Variants in FREM1 observed in about 807,000 individuals in gnomAD.
FREM1 encodes the protein FRAS1-related extracellular matrix protein 1.
A neutral mutation model predicts 210.1 loss-of-function variants in FREM1; 220 were observed. The ratio of observed to expected loss-of-function variants is 1.05; its 90% CI spans 0.94 to 1.17. The LOEUF (loss-of-function observed/expected upper bound fraction) is 1.17, where lower values mean the gene tolerates loss of function less well. FREM1 is among the 50% of genes most tolerant of loss of function. The pLI is 0.00. For missense variants in FREM1, 3,454 were observed against 2,675.5 expected (o/e 1.29, Z -6.42); for synonymous variants, 1,189 against 980.2 (o/e 1.21, Z -3.98).
At chr9:14,840,907 A>G (rs964276705) in intron 10 of FREM1, among the ~76,000 whole-genome samples, 3 of 152,226 alleles carry the variant, frequency 2.0e-5, no homozygotes, top group Admixed American at 6.5e-5. Context: ...AGACTCTTAG[A>G]TCTTTAAAGA....
At chr9:14,746,268 G>A (rs1842408473) in intron 35 of FREM1, 85 bp downstream of exon 35, 2 of 987,686 alleles carry the variant, frequency 2.0e-6, no homozygotes, top group Admixed American at 4.1e-5. Flanking sequence ...CTTGTTGAAT[G>A]AATGAAGCAG....
At chr9:14,874,991 T>C (rs1465186967) in intron 1 of FREM1, among the ~76,000 whole-genome samples, 1 of 152,212 alleles carries the variant, frequency 6.6e-6, no homozygotes, top group Non-Finnish European at 1.5e-5. Flanking sequence ...TCTTGAATAT[T>C]GGCCCCCACT....
At chr9:14,768,594 T>C (rs1247888669) in intron 27 of FREM1, among the ~76,000 whole-genome samples, 2 of 152,026 alleles carry the variant, frequency 1.3e-5, no homozygotes, top group Non-Finnish European at 2.9e-5. Flanking sequence ...GTCTGTGGAG[T>C]TAATAAATCT....
intron 5 of FREM1, 47 bp from the exon 6 acceptor site, chr9:14,851,654 G>T: frequency 1.5e-6 from 2 of 1,368,528 alleles, no homozygotes; most frequent in Non-Finnish European, 2.1e-6. Flanking sequence ...ATATGAATGA[G>T]GTGATATCAT....
At chr9:14,909,230 AC>A (rs1818315642) in intron 1 of FREM1, among the ~76,000 whole-genome samples, 1 of 152,200 alleles carries the variant, frequency 6.6e-6, no homozygotes, top group Admixed American at 6.5e-5. Context: ...TACCTTAAAA[AC>A]AATAAACAAT....
At chr9:14,751,401 C>A (rs967598011) in intron 29 of FREM1, among the ~76,000 whole-genome samples, 2 of 152,154 alleles carry the variant, frequency 1.3e-5, no homozygotes, top group Non-Finnish European at 2.9e-5. Context: ...GTAATCCCAG[C>A]ACTTTGGCAG....
chr9:14,830,458 C>G (rs1823340790), intron 10 of FREM1, among the ~76,000 whole-genome samples: 1 of 152,184 alleles, frequency 6.6e-6, no homozygotes, highest in South Asian at 2.1e-4. Flanking sequence ...AATCAGATTT[C>G]AGTACATTGA....
chr9:14,775,549 T>C (rs540257463), intron 25 of FREM1, among the ~76,000 whole-genome samples: 12 of 151,340 alleles, frequency 7.9e-5, no homozygotes, highest in African/African-American at 2.9e-4. Flanking sequence ...CTACTAAAAA[T>C]GCAAAAAAGT....
At chr9:14,769,598 G>C (rs1847146165) in intron 27 of FREM1, 126 bp downstream of exon 27, 2 of 980,288 alleles carry the variant, frequency 2.0e-6, no homozygotes, top group African/African-American at 1.7e-5. Flanking sequence ...AATTCCATGA[G>C]CTTGTGAAAT....
At chr9:14,768,033 T>C (rs928649693) in intron 27 of FREM1, among the ~76,000 whole-genome samples, 6 of 152,182 alleles carry the variant, frequency 3.9e-5, no homozygotes, top group Non-Finnish European at 5.9e-5. Context: ...GTAATTCTCA[T>C]ATGAATTTGA....
intron 33 of FREM1, 30 bp downstream of exon 33, chr9:14,747,234 G>A (rs564553123): frequency 2.5e-6 from 4 of 1,604,048 alleles, no homozygotes; most frequent in South Asian, 2.2e-5. Context: ...TTGTTATAAG[G>A]TGAGTAAGAA....
chr9:14,871,538 G>C (rs1832680461), intron 1 of FREM1, among the ~76,000 whole-genome samples: 1 of 152,130 alleles, frequency 6.6e-6, no homozygotes, highest in Non-Finnish European at 1.5e-5. Context: ...TGAGTTCATT[G>C]TAGATTCTGG....
chr9:14,800,274 G>T (rs1352368591), intron 20 of FREM1, among the ~76,000 whole-genome samples: 1 of 152,098 alleles, frequency 6.6e-6, no homozygotes, highest in Non-Finnish European at 1.5e-5. Context: ...GCGTTCTGAA[G>T]GCACAGCCTT....
rs373636800 is a variant in FREM1 at position 14,784,360 on chromosome 9, T to C, written c.4442+10A>G. Reference sequence around the variant, plus strand: ...AAAGAAGGGGTTTGAAAAGTTTCCATGGGGCTCACCTGAATCTGTCACTGG... The same window carrying C: ...AAAGAAGGGGTTTGAAAAGTTTCCACGGGGCTCACCTGAATCTGTCACTGG... On this transcript the variant is annotated intron_variant, in intron 24 of 36. Coordinates refer to ENST00000380880, the MANE Select transcript of FREM1 (RefSeq NM_001379081.2). 1.9e-6 allele frequency: 3 copies of C among 1,608,698 alleles called. No individual in the cohort carries two copies. The highest frequency in any genetic ancestry group is 2.2e-5 in the East Asian group (1 of 44,788).
chr9:14,860,747 ATGCACATATATATG>A (rs1564101030), intron 3 of FREM1, among the ~76,000 whole-genome samples: 3 of 123,172 alleles, frequency 2.4e-5, no homozygotes, highest in African/African-American at 3.4e-5. Context: ...ACACATATAT[ATGCACATATATATG>A]CACATATATA....
At chr9:14,867,861 T>A (rs542051571) in intron 2 of FREM1, among the ~76,000 whole-genome samples, 2 of 152,276 alleles carry the variant, frequency 1.3e-5, no homozygotes, top group Admixed American at 6.5e-5. Context: ...AGCAATTTTT[T>A]AAAATTATGT....
In FREM1 at chr9:14,748,397, T is replaced by G; in HGVS notation, c.5796+4A>C. The G allele has an allele frequency of 6.5e-7, 1 of 1,545,210 alleles. No homozygotes were observed. The highest frequency in any genetic ancestry group is 8.9e-7 in the Non-Finnish European group (1 of 1,118,008). On this transcript the variant is annotated splice_donor_region_variant and intron_variant, in intron 31 of 36. Coordinates refer to ENST00000380880, the MANE Select transcript of FREM1 (RefSeq NM_001379081.2). ...ATCATTTCCCAGAAGGTCCCCATCC[T>G]TACTGTTTTGCCATTCCCACGGGTC...
At chr9:14,873,293 A>T (rs1447063932) in intron 1 of FREM1, among the ~76,000 whole-genome samples, 4 of 152,072 alleles carry the variant, frequency 2.6e-5, no homozygotes, top group Non-Finnish European at 4.4e-5. Flanking sequence ...TGAATCCATC[A>T]GGTCCTGGAC....
intron 35 of FREM1, among the ~76,000 whole-genome samples, chr9:14,745,500 T>C (rs1196844423): frequency 6.6e-6 from 1 of 152,226 alleles, no homozygotes; most frequent in African/African-American, 2.4e-5. Flanking sequence ...TGAAGTTGTT[T>C]GTATTTTCTG....
Sources: gnomAD v4.1 joint callset for allele counts (sites outside exome capture counted in the v4.1 genomes callset) on GRCh38, gnomAD v4.1.1 for gene constraint, MANE v1.5 for transcripts, NCBI Gene and HGNC (gene_info 2026-07-23, HGNC 2026-07-21) for gene names.